The following MIR2052HG variants were observed in gnomAD, a reference collection of about 807,000 sequenced individuals.
The protein encoded by MIR2052HG is MIR2052 host gene.
chr8:74,700,100 A>G (rs1276476815), intron 2 of MIR2052HG, among the ~76,000 whole-genome samples: 1 of 152,174 alleles, frequency 6.6e-6, no homozygotes, highest in Non-Finnish European at 1.5e-5. Flanking sequence ...ATACATAGGG[A>G]TATGAGATGG....
chr8:74,757,175 T>C (rs1409191047), intron 5 of MIR2052HG: 2 of 152,170 alleles, frequency 1.3e-5, no homozygotes, highest in East Asian at 1.9e-4. Flanking sequence ...AGAGTGTCAT[T>C]AGGTTAATAA....
intron 2 of MIR2052HG, among the ~76,000 whole-genome samples, chr8:74,674,136 T>TTTTG (rs1554575325): frequency 1.4e-5 from 2 of 145,336 alleles, no homozygotes; most frequent in African/African-American, 2.5e-5. Flanking sequence ...CCAGAGGTTT[T>TTTTG]TGTGTGTGTG....
intron 4 of MIR2052HG, among the ~76,000 whole-genome samples, chr8:74,729,861 C>G (rs903999963): frequency 6.6e-6 from 1 of 152,096 alleles, no homozygotes; most frequent in Non-Finnish European, 1.5e-5. Context: ...ATCTTCAGCA[C>G]TTTTTGAAAG....
intron 4 of MIR2052HG, among the ~76,000 whole-genome samples, chr8:74,733,149 T>C (rs1331809213): frequency 6.6e-6 from 1 of 152,070 alleles, no homozygotes; most frequent in Non-Finnish European, 1.5e-5. Flanking sequence ...GTTACATATG[T>C]ATACATGTGC....
chr8:74,658,597 G>T (rs1297914408), intron 2 of MIR2052HG, among the ~76,000 whole-genome samples: 1 of 152,072 alleles, frequency 6.6e-6, no homozygotes, highest in East Asian at 1.9e-4. Context: ...TGTTGGCTAG[G>T]CTGGTCTCGA....
chr8:74,745,333 A>G (rs1157164693), intron 4 of MIR2052HG, among the ~76,000 whole-genome samples: 2 of 152,130 alleles, frequency 1.3e-5, no homozygotes, highest in Non-Finnish European at 2.9e-5. Flanking sequence ...AAATATTACC[A>G]CTCTAGAACA....
At chr8:74,611,127 CAAT>C (rs1808188633) in intron 1 of MIR2052HG, among the ~76,000 whole-genome samples, 1 of 151,786 alleles carries the variant, frequency 6.6e-6, no homozygotes, top group Non-Finnish European at 1.5e-5. Context: ...TTTCAAAACT[CAAT>C]AATAAAAATA....
chr8:74,649,696 A>G (rs1808732622), intron 2 of MIR2052HG, among the ~76,000 whole-genome samples: 1 of 152,076 alleles, frequency 6.6e-6, no homozygotes, highest in South Asian at 2.1e-4. Flanking sequence ...ACTTTTACCT[A>G]TTTAGTGTCA....
intron 2 of MIR2052HG, among the ~76,000 whole-genome samples, chr8:74,649,670 T>C (rs1808732155): frequency 6.6e-6 from 1 of 151,960 alleles, no homozygotes; most frequent in Non-Finnish European, 1.5e-5. Flanking sequence ...AAAATGCCTA[T>C]GTGTAAAAAA....
At chr8:74,755,483 C>G (rs1809989830) in intron 5 of MIR2052HG, among the ~76,000 whole-genome samples, 1 of 152,200 alleles carries the variant, frequency 6.6e-6, no homozygotes, top group Non-Finnish European at 1.5e-5. Context: ...AGCCAGCAGG[C>G]TGTATTTGTA....
At chr8:74,698,221 T>G (rs1304474) in intron 2 of MIR2052HG, among the ~76,000 whole-genome samples, 99,809 of 152,034 alleles carry the variant, frequency 0.66, 34,279 homozygotes, top group African/African-American at 0.87. Context: ...ACAGCCAACT[T>G]ATCTTTAACA....
intron 2 of MIR2052HG, among the ~76,000 whole-genome samples, chr8:74,700,826 C>T (rs1563534997): frequency 6.6e-6 from 1 of 152,090 alleles, no homozygotes; most frequent in Non-Finnish European, 1.5e-5. Context: ...TTCTATCCCA[C>T]TAAATTCCAA....
At chr8:74,633,980 G>A (rs74655552) in intron 2 of MIR2052HG, among the ~76,000 whole-genome samples, 4,007 of 152,276 alleles carry the variant, frequency 0.026, 88 homozygotes, top group South Asian at 0.09. Context: ...CTTTTAAGAG[G>A]GAGAATGAAA....
intron 4 of MIR2052HG, among the ~76,000 whole-genome samples, chr8:74,718,301 C>A (rs1290144965): frequency 6.6e-6 from 1 of 152,024 alleles, no homozygotes; most frequent in East Asian, 1.9e-4. Flanking sequence ...CAGTTTAGAC[C>A]AGATGACAGG....
chr8:74,675,118 G>T (rs12155805), intron 2 of MIR2052HG, among the ~76,000 whole-genome samples: 3 of 152,028 alleles, frequency 2.0e-5, no homozygotes, highest in Non-Finnish European at 4.4e-5. Flanking sequence ...TGGGGATGCA[G>T]TGGTGAATAA....
intron 2 of MIR2052HG, among the ~76,000 whole-genome samples, chr8:74,652,851 G>A (rs1462972206): frequency 6.6e-6 from 1 of 152,108 alleles, no homozygotes; most frequent in Non-Finnish European, 1.5e-5. Context: ...AACTAAAGCT[G>A]GGAGGAAGTG....
intron 2 of MIR2052HG, among the ~76,000 whole-genome samples, chr8:74,621,049 A>ACCATGCACCTGG (rs1808354679): frequency 6.6e-6 from 1 of 152,220 alleles, no homozygotes; most frequent in Non-Finnish European, 1.5e-5. Context: ...TTCTCTTTGC[A>ACCATGCACCTGG]TAGCAAGGGT....
chr8:74,651,646 C>T (rs1808754221), intron 2 of MIR2052HG, among the ~76,000 whole-genome samples: 1 of 152,018 alleles, frequency 6.6e-6, no homozygotes, highest in Non-Finnish European at 1.5e-5. Flanking sequence ...TGATTTTTTT[C>T]TTCCATGTGA....
At chr8:74,635,232 A>G (rs571180588) in intron 2 of MIR2052HG, among the ~76,000 whole-genome samples, 1 of 151,424 alleles carries the variant, frequency 6.6e-6, no homozygotes, top group East Asian at 1.9e-4. Flanking sequence ...CAGAAAGCAC[A>G]AAAACAGATT....
Sources: gnomAD v4.1 joint callset for allele counts (sites outside exome capture counted in the v4.1 genomes callset) on GRCh38, gnomAD v4.1.1 for gene constraint, MANE v1.5 for transcripts, NCBI Gene and HGNC (gene_info 2026-07-23, HGNC 2026-07-21) for gene names.